Variants in TRIQK observed in about 807,000 individuals in gnomAD.
TRIQK encodes triple QxxK/R motif-containing protein.
Under a neutral mutation model 10.8 loss-of-function variants are expected in TRIQK, and 10 were observed. The ratio of observed to expected loss-of-function variants is 0.92; its 90% CI spans 0.57 to 1.57. TRIQK has a LOEUF of 1.57. Among genes scored for constraint, TRIQK ranks in the 40% most tolerant of loss-of-function variants. TRIQK has a pLI of 0.00. For synonymous variants in TRIQK, 33 were observed against 33.7 expected, an observed-to-expected ratio of 0.98 and a Z score of 0.07; for missense variants, 107 against 97.7, an observed-to-expected ratio of 1.09 and a Z score of -0.40.
At chr8:92,951,022 AATC>A (rs1811870101) in intron 2 of TRIQK, among the ~76,000 whole-genome samples, 1 of 152,070 alleles carries the variant, frequency 6.6e-6, no homozygotes, top group Admixed American at 6.6e-5. Flanking sequence ...GTATTCTTTA[AATC>A]ATCTTTAGAT....
At chr8:93,013,294 T>TA (rs1165060942) in intron 1 of TRIQK, among the ~76,000 whole-genome samples, 2 of 152,140 alleles carry the variant, frequency 1.3e-5, no homozygotes, top group East Asian at 1.9e-4. Context: ...TCATCTAACT[T>TA]AAAAAAATAA....
chr8:92,940,362 T>A (rs1271528632), intron 2 of TRIQK, among the ~76,000 whole-genome samples: 2 of 147,172 alleles, frequency 1.4e-5, no homozygotes, highest in Non-Finnish European at 3.0e-5. Context: ...GACCCAACTG[T>A]ATATACTGTC....
intron 1 of TRIQK, among the ~76,000 whole-genome samples, chr8:92,958,996 TA>T (rs1316198755): frequency 6.6e-6 from 1 of 152,138 alleles, no homozygotes; most frequent in East Asian, 1.9e-4. Context: ...AATAAAACTT[TA>T]TTTATAAACA....
chr8:92,983,754 T>C (rs1221495764), intron 1 of TRIQK, among the ~76,000 whole-genome samples: 5 of 152,044 alleles, frequency 3.3e-5, no homozygotes. Flanking sequence ...GCCACAGATG[T>C]GGTTTGATCA....
rs530161747 is a variant in TRIQK at position 93,006,044 on chromosome 8, A to T, written c.-181+11565T>A. Among the ~76,000 whole-genome samples the T allele has an allele frequency of 3.9e-5, 6 of 152,256 alleles. No individual in the cohort carries two copies. The South Asian group carries it at 6.2e-4, about 16-fold the overall frequency. On this transcript the variant is annotated intron_variant, in intron 1 of 4. Transcript: ENST00000520686. ...TATCTAAAAAATAAGCAAAAAAAAA[A>T]AAAAATCCTATTTACAATAGCTACA...
At chr8:93,011,205 C>CATAT (rs373752738) in intron 1 of TRIQK, among the ~76,000 whole-genome samples, 3,349 of 121,446 alleles carry the variant, frequency 0.028, 119 homozygotes, top group African/African-American at 0.081. Context: ...CACACACACA[C>CATAT]ATATATATAT....
upstream of TRIQK, among the ~76,000 whole-genome samples, chr8:92,970,021 C>T (rs949156714): frequency 2.0e-5 from 3 of 152,136 alleles, no homozygotes; most frequent in Non-Finnish European, 2.9e-5. Context: ...TCAGCTCCCA[C>T]TTATAAGTGA....
chr8:92,885,048 G>C lies in TRIQK; in HGVS notation c.*1574C>G, dbSNP rs1172358392. ...TGTGGTGAGTATATAAGAACTCTTG[G>C]TCTGTCTCTTGAGTCTGTGAGTTCA... is the stretch of plus-strand genomic sequence containing the variant. On this transcript the variant is annotated 3_prime_UTR_variant, in exon 5 of 5. Coordinates refer to ENST00000521988, the MANE Select transcript of TRIQK (RefSeq NM_001171797.2). 1 of 454,664 alleles carries C rather than the reference G, an allele frequency of 2.2e-6. No homozygotes were observed. Among genetic ancestry groups the C allele is most frequent in the Admixed American group, 2.4e-5 (1 of 42,446 alleles). The allele number at this position is 454,664 out of a possible 1,614,324, so 28.2% of individuals were successfully genotyped here.
chr8:92,929,813 A>T (rs916577290), intron 2 of TRIQK, among the ~76,000 whole-genome samples: 9 of 152,210 alleles, frequency 5.9e-5, no homozygotes, highest in Non-Finnish European at 1.2e-4. Flanking sequence ...TTTGACTTCA[A>T]CAGTATGGGA....
intron 4 of TRIQK, 33 bp from the exon 5 acceptor site, chr8:92,886,768 A>G (rs1325234105): frequency 1.7e-6 from 2 of 1,180,206 alleles, no homozygotes; most frequent in Non-Finnish European, 2.4e-6. Flanking sequence ...CTTGAAATTG[A>G]TGAAAAAAGA....
At chr8:92,939,858 C>T (rs944677065) in intron 2 of TRIQK, among the ~76,000 whole-genome samples, 1 of 152,184 alleles carries the variant, frequency 6.6e-6, no homozygotes, top group African/African-American at 2.4e-5. Context: ...TCCTAAGGAG[C>T]ATAGCCTCAG....
At chr8:92,975,766 T>C (rs1812925633) in intron 1 of TRIQK, among the ~76,000 whole-genome samples, 1 of 152,034 alleles carries the variant, frequency 6.6e-6, no homozygotes, top group Non-Finnish European at 1.5e-5. Flanking sequence ...TTGAAGCCAT[T>C]GATTAGAGTA....
intron 1 of TRIQK, among the ~76,000 whole-genome samples, chr8:92,962,683 A>G (rs554099227): frequency 1.3e-5 from 2 of 152,318 alleles, no homozygotes; most frequent in South Asian, 4.1e-4. Flanking sequence ...TTCACAGCTT[A>G]CCAAAAAGAG....
intron 3 of TRIQK, among the ~76,000 whole-genome samples, chr8:92,914,271 TTA>T (rs1463395589): frequency 6.6e-6 from 1 of 152,186 alleles, no homozygotes. Flanking sequence ...TCTAGTAGTT[TTA>T]TGTCTTATAT....
At chr8:92,986,306 T>C (rs762478418) in intron 1 of TRIQK, among the ~76,000 whole-genome samples, 1 of 152,144 alleles carries the variant, frequency 6.6e-6, no homozygotes, top group Non-Finnish European at 1.5e-5. Flanking sequence ...TATTGTTTTG[T>C]GACTAACAAA....
chr8:93,013,125 A>C (rs1176386557), intron 1 of TRIQK, among the ~76,000 whole-genome samples: 1 of 152,196 alleles, frequency 6.6e-6, no homozygotes, highest in African/African-American at 2.4e-5. Context: ...TAAGACTACC[A>C]CTATGAAAAC....
intron 1 of TRIQK, among the ~76,000 whole-genome samples, chr8:92,993,280 C>T (rs1813116647): frequency 6.6e-6 from 1 of 152,156 alleles, no homozygotes; most frequent in Non-Finnish European, 1.5e-5. Flanking sequence ...GAATCTCAGA[C>T]TTATCCCCAT....
At chr8:92,969,442 A>G (rs1285237158), upstream of TRIQK, among the ~76,000 whole-genome samples, 1 of 151,952 alleles carries the variant, frequency 6.6e-6, no homozygotes, top group Non-Finnish European at 1.5e-5. Context: ...ATAACCCAAC[A>G]TATGGTTTAT....
chr8:92,948,003 G>A (rs1248062967), intron 2 of TRIQK, among the ~76,000 whole-genome samples: 2 of 152,116 alleles, frequency 1.3e-5, no homozygotes, highest in Admixed American at 1.3e-4. Context: ...AGGGAGCCCT[G>A]ACATAATTAA....
Sources: allele counts gnomAD v4.1 joint callset (sites outside exome capture counted in the v4.1 genomes callset), GRCh38; gene constraint gnomAD v4.1.1; transcripts MANE v1.5; gene names NCBI Gene and HGNC (gene_info 2026-07-23, HGNC 2026-07-21).